Variants in ZNF365 observed in about 807,000 individuals in gnomAD.
ZNF365 encodes the protein protein ZNF365.
In ZNF365, 22 loss-of-function variants were observed where a neutral mutation model predicts 35.0. The ratio of observed to expected loss-of-function variants is 0.63; its 90% CI spans 0.45 to 0.90. The LOEUF (loss-of-function observed/expected upper bound fraction) is 0.90. Among genes scored for constraint, ZNF365 ranks in the 40% least tolerant of loss-of-function variants. ZNF365 has a pLI of 0.00. For synonymous variants in ZNF365, 188 were observed against 196.2 expected (o/e 0.96, Z 0.35); for missense variants, 448 against 500.3 (o/e 0.90, Z 1.00).
chr10:62,464,050 T>C (rs910982051), intron 4 of ZNF365, among the ~76,000 whole-genome samples: 1 of 152,160 alleles, frequency 6.6e-6, no homozygotes, highest in African/African-American at 2.4e-5. Flanking sequence ...GGCCTAATAT[T>C]GAGCCTCACA....
Position 62,376,250 on chromosome 10 carries a change from T to A in ZNF365, c.57T>A (p.Asn19Lys), listed in dbSNP as rs2132405469. ...SRYPWQESFE[N>K]VAVCLPLRCP... is the part of the protein sequence containing the mutation. ...ATCCCTGGCAGGAGTCCTTTGAGAA[T>A]GTTGCTGTGTGCCTGCCATTACGCT... is the stretch of plus-strand genomic sequence containing the variant. The change falls in exon 2 of 5, where the codon AAT (asparagine) becomes AAA (lysine). Residue 19 changes from asparagine to lysine, a missense_variant. Physicochemically the swap from Asn to Lys is moderately conservative, Grantham distance 94. Transcript: ENST00000395254. 1.2e-6 allele frequency: 2 copies of A among 1,614,142 alleles called. No homozygotes were observed. Among genetic ancestry groups the A allele is most frequent in the Non-Finnish European group, 1.7e-6 (2 of 1,180,030 alleles).
chr10:62,458,168 T>C (rs1040986284), intron 3 of ZNF365, among the ~76,000 whole-genome samples: 7 of 152,142 alleles, frequency 4.6e-5, no homozygotes, highest in African/African-American at 1.7e-4. Flanking sequence ...CTCTTTCCAT[T>C]CCTGAGTTCT....
Position 62,401,547 on chromosome 10 carries a change from G to A in ZNF365, c.*1758G>A, listed in dbSNP as rs1839829679. 1 of 984,904 alleles carries A rather than the reference G, an allele frequency of 1.0e-6. No individual in the cohort carries two copies. Among genetic ancestry groups the A allele is most frequent in the South Asian group, 4.7e-5 (1 of 21,276 alleles). The allele number at this position is 984,904 out of a possible 1,614,324, so 61.0% of individuals were successfully genotyped here. A position where few individuals can be genotyped will look rare whatever the true frequency, so the allele number is the denominator to read the frequency against. On this transcript the variant is annotated 3_prime_UTR_variant, in exon 5 of 5. Coordinates refer to ENST00000395254, the MANE Select transcript of ZNF365 (RefSeq NM_014951.3). Reference sequence around the variant, plus strand: ...CTATCAAGTGGGCAAAAACATTGCTGTGAATAGCACTGTTTAGGCTAACAT... The same window carrying A: ...CTATCAAGTGGGCAAAAACATTGCTATGAATAGCACTGTTTAGGCTAACAT...
chr10:62,397,073 C>T (rs576666650), intron 3 of ZNF365, among the ~76,000 whole-genome samples: 4 of 152,310 alleles, frequency 2.6e-5, no homozygotes, highest in Admixed American at 1.3e-4. Context: ...TGGCGTTTGC[C>T]GGAGCCATCT....
intron 3 of ZNF365, among the ~76,000 whole-genome samples, chr10:62,395,348 T>TC (rs201921728): frequency 9.2e-5 from 13 of 140,698 alleles, no homozygotes; most frequent in African/African-American, 2.6e-4. Context: ...TCTGACACTC[T>TC]TTTTTTTTTT....
chr10:62,405,459 A>G (rs1356154823), downstream of ZNF365, among the ~76,000 whole-genome samples: 1 of 152,196 alleles, frequency 6.6e-6, no homozygotes, highest in African/African-American at 2.4e-5. Context: ...TTGTCCTTCT[A>G]CATCTCAGCC....
chr10:62,424,272 G>A (rs184926167), intron 3 of ZNF365, among the ~76,000 whole-genome samples: 3 of 152,248 alleles, frequency 2.0e-5, no homozygotes, highest in Admixed American at 2.0e-4. Context: ...GTAAGTGATA[G>A]GAGATGAAGA....
intron 4 of ZNF365, among the ~76,000 whole-genome samples, chr10:62,468,918 T>C (rs535961526): frequency 2.9e-4 from 44 of 152,324 alleles, no homozygotes; most frequent in Non-Finnish European, 4.6e-4. Context: ...TCAATGGGAA[T>C]TGTAAGCAAG....
At position 62,388,581 on chromosome 10, in the gene ZNF365, G is replaced by A. The variant is rs1309652430; in HGVS notation, c.924+5G>A. The A allele has an allele frequency of 6.2e-7, 1 of 1,613,280 alleles. No homozygotes were observed. Among genetic ancestry groups the A allele is most frequent in the Non-Finnish European group, 8.5e-7 (1 of 1,179,956 alleles). On this transcript the variant is annotated splice_donor_5th_base_variant and intron_variant, in intron 3 of 4. Coordinates refer to ENST00000395254, the MANE Select transcript of ZNF365 (RefSeq NM_014951.3). The stretch of plus-strand genomic sequence containing the variant: ...CGTGATCTCAGCGGGCACGTGGTGA[G>A]TCACCCCGGGCCAGCCACCGAGTGT...
At chr10:62,449,850 T>G (rs1369269865) in intron 3 of ZNF365, among the ~76,000 whole-genome samples, 1 of 151,680 alleles carries the variant, frequency 6.6e-6, no homozygotes. Flanking sequence ...TGAACTGTAC[T>G]GTACATTTGA....
rs908909130 is a variant in ZNF365 at position 62,399,873 on chromosome 10, A to G, written c.*84A>G. 1.3e-6 allele frequency: 2 copies of G among 1,483,894 alleles called. No individual in the cohort carries two copies. The highest frequency in any genetic ancestry group is 2.5e-4 in the Middle Eastern group (1 of 4,026). The allele number at this position is 1,483,894 out of a possible 1,614,324, so 91.9% of individuals were successfully genotyped here. On this transcript the variant is annotated 3_prime_UTR_variant, in exon 5 of 5. Coordinates refer to ENST00000395254, the MANE Select transcript of ZNF365 (RefSeq NM_014951.3). The stretch of plus-strand genomic sequence containing the variant: ...CCAACAGTAATGTCTTTCTGGAAAC[A>G]TTCCATAGTAAGACACATTGGAAAA...
At chr10:62,386,851 G>A (rs1245355039) in intron 2 of ZNF365, among the ~76,000 whole-genome samples, 2 of 151,842 alleles carry the variant, frequency 1.3e-5, no homozygotes, top group African/African-American at 4.9e-5. Flanking sequence ...ATGTAGAGAA[G>A]CCAATGAATT....
At chr10:62,381,042 A>C (rs1006704932) in intron 2 of ZNF365, among the ~76,000 whole-genome samples, 1 of 152,196 alleles carries the variant, frequency 6.6e-6, no homozygotes, top group Non-Finnish European at 1.5e-5. Flanking sequence ...TGTGTTCTGT[A>C]TAGGAAGAAT....
downstream of ZNF365, among the ~76,000 whole-genome samples, chr10:62,406,124 G>T (rs1157044710): frequency 3.3e-5 from 5 of 152,060 alleles, no homozygotes; most frequent in African/African-American, 7.2e-5. Flanking sequence ...GCATGCCCTG[G>T]CTCTGGCCTG....
At chr10:62,466,967 A>T (rs1421482801) in intron 4 of ZNF365, among the ~76,000 whole-genome samples, 1 of 152,024 alleles carries the variant, frequency 6.6e-6, no homozygotes, top group Admixed American at 6.6e-5. Context: ...ACACCTGGCT[A>T]ATTTTTGTAT....
chr10:62,376,021 G>T (rs1389974396), intron 1 of ZNF365, among the ~76,000 whole-genome samples, 160 bp from the exon 2 acceptor site: 1 of 152,166 alleles, frequency 6.6e-6, no homozygotes, highest in Non-Finnish European at 1.5e-5. Flanking sequence ...GATGTGGATG[G>T]ATTTGGCCCA....
intron 3 of ZNF365, among the ~76,000 whole-genome samples, chr10:62,458,507 T>TAA (rs1352725928): frequency 7.9e-5 from 12 of 151,704 alleles, no homozygotes; most frequent in Admixed American, 2.0e-4. Context: ...CATATATATA[T>TAA]AATATTGTGT....
At chr10:62,446,677 T>A (rs1043372005) in intron 3 of ZNF365, among the ~76,000 whole-genome samples, 48 of 152,128 alleles carry the variant, frequency 3.2e-4, no homozygotes, top group African/African-American at 1.1e-3. Flanking sequence ...TATAAAATTT[T>A]GGGGGAAAAA....
intron 3 of ZNF365, among the ~76,000 whole-genome samples, chr10:62,412,979 G>A (rs987259789): frequency 1.3e-5 from 2 of 152,164 alleles, no homozygotes; most frequent in African/African-American, 2.4e-5. Context: ...GACTTTGACA[G>A]AGCAAGTTGG....
Sources: gnomAD v4.1 joint callset for allele counts (sites outside exome capture counted in the v4.1 genomes callset) on GRCh38, gnomAD v4.1.1 for gene constraint, MANE v1.5 for transcripts, NCBI Gene and HGNC (gene_info 2026-07-23, HGNC 2026-07-21) for gene names.